The following ADAMTS2 variants were observed in gnomAD, a reference collection of about 807,000 sequenced individuals.
The protein encoded by ADAMTS2 is A disintegrin and metalloproteinase with thrombospondin motifs 2.
A neutral mutation model predicts 123.0 loss-of-function variants in ADAMTS2; 50 were observed. The observed-to-expected ratio is 0.41, with a 90% CI of 0.32 to 0.51. ADAMTS2 has a LOEUF of 0.51. ADAMTS2 is among the 20% of genes least tolerant of loss of function. The pLI, the probability that ADAMTS2 is intolerant of heterozygous loss-of-function variation, is 0.35. For missense variants in ADAMTS2, 1,494 were observed against 1,705.2 expected, an observed-to-expected ratio of 0.88 and a Z score of 2.18; for synonymous variants, 678 against 695.4, an observed-to-expected ratio of 0.98 and a Z score of 0.39.
In ADAMTS2 at chr5:179,128,507, C is replaced by T. The variant is rs1762900631; in HGVS notation, c.2458-389G>A. On this transcript the variant is annotated intron_variant, in intron 16 of 21. Coordinates refer to ENST00000251582, the MANE Select transcript of ADAMTS2 (RefSeq NM_014244.5). This position sits in a 1 kb window ranked among gnomAD's most constrained non-coding sequence, Gnocchi z 4.9. ...TCCCAGGTTCAAGCGATTCTCCTGCCTCAGCCTCCTGAGTAGCTGGGATTA... is the reference window on the plus strand; with the variant it reads ...TCCCAGGTTCAAGCGATTCTCCTGCTTCAGCCTCCTGAGTAGCTGGGATTA... 6.6e-6 allele frequency among the ~76,000 whole-genome samples: 1 copy of T among 152,158 alleles called. No homozygotes were observed.
intron 3 of ADAMTS2, among the ~76,000 whole-genome samples, chr5:179,247,540 A>G (rs1765829217): frequency 6.6e-6 from 1 of 152,226 alleles, no homozygotes; most frequent in Non-Finnish European, 1.5e-5. Context: ...CAATGACTCC[A>G]AGTTTGAAAA....
At position 179,332,624 on chromosome 5, in the gene ADAMTS2, G is replaced by T. The variant is rs946097533; in HGVS notation, c.534+11143C>A. ...TGACCCAACCTGCATTGCCCCAGAA[G>T]CCCAGACCTCAGCTCAGGGCCAGTG... On this transcript the variant is annotated intron_variant, in intron 2 of 21. Transcript: ENST00000251582. This position sits in a 1 kb window ranked among gnomAD's most constrained non-coding sequence, Gnocchi z 4.2. Among the ~76,000 whole-genome samples the T allele has an allele frequency of 7.6e-5, 11 of 144,666 alleles. No homozygotes were observed. Among genetic ancestry groups the T allele is most frequent in the African/African-American group, 2.5e-4 (10 of 40,118 alleles). 94.9% of individuals were successfully genotyped at this position (144,666 alleles called of 152,430 possible). A position where few individuals can be genotyped will look rare whatever the true frequency, so the allele number is the denominator to read the frequency against.
chr5:179,152,351 A>G, intron 9 of ADAMTS2, 96 bp from the exon 10 acceptor site: 1 of 1,181,498 alleles, frequency 8.5e-7, no homozygotes, highest in Non-Finnish European at 1.2e-6. Flanking sequence ...GAGATGCCCC[A>G]GTGGGACTGG....
intron 2 of ADAMTS2, among the ~76,000 whole-genome samples, chr5:179,330,864 C>A (rs968217081): frequency 3.3e-5 from 5 of 152,214 alleles, no homozygotes; most frequent in Non-Finnish European, 7.3e-5. Flanking sequence ...TCAGCCTTGA[C>A]CTTGTTTGCT....
At chr5:179,198,476 C>G (rs563607649) in intron 4 of ADAMTS2, among the ~76,000 whole-genome samples, 1 of 152,198 alleles carries the variant, frequency 6.6e-6, no homozygotes, top group Non-Finnish European at 1.5e-5. Flanking sequence ...GCCGCTGAGC[C>G]TCAGGAGACC....
At position 179,125,046 on chromosome 5, in the gene ADAMTS2, G is replaced by A. The variant is rs768445765; in HGVS notation, c.2885C>T (p.Ala962Val). The change falls in exon 19 of 22, where the codon GCC (alanine) becomes GTC (valine). Residue 962 changes from alanine (A) to valine (V), a missense_variant. Ala to Val is a moderately conservative substitution (Grantham distance 64). This residue lies in a region of ADAMTS2 where 953 missense variants were observed against 1,124.7 expected (regional missense o/e 0.85). Transcript: ENST00000251582. ...RSVHAKHCND[A>V]RPESRRACSR... ...GCAGGCCCGGCGGCTCTCGGGCCGG[G>A]CGTCATTGCAGTGCTTGGCGTGCAC... 3.1e-6 allele frequency: 5 copies of A among 1,608,632 alleles called. No homozygotes were observed. Among genetic ancestry groups the A allele is most frequent in the Non-Finnish European group, 3.4e-6 (4 of 1,178,866 alleles).
rs1161820680 is a variant in ADAMTS2, at chr5:179,307,365, C to A, written c.535-34301G>T. Among the ~76,000 whole-genome samples, 1 of 152,182 alleles carries A rather than the reference C, an allele frequency of 6.6e-6. No homozygotes were observed. Among genetic ancestry groups the A allele is most frequent in the Non-Finnish European group, 1.5e-5 (1 of 68,028 alleles). ...CCAACCCTGGGTGGCCACTGCTCAG[C>A]ACTCCAGGACAGCTCCATGACACAG... On this transcript the variant is annotated intron_variant, in intron 2 of 21. Transcript: ENST00000251582. The surrounding 1 kb of genome is among the most constrained non-coding windows in gnomAD (Gnocchi z 5.6).
rs1762576875 is a variant in ADAMTS2 at position 179,112,122 on chromosome 5, A to C, written c.*1745T>G. 1.3e-5 allele frequency: 2 copies of C among 152,274 alleles called. No homozygotes were observed. The highest frequency in any genetic ancestry group is 4.8e-5 in the African/African-American group (2 of 41,474). 9.4% of individuals were successfully genotyped at this position (152,274 alleles called of 1,614,324 possible). A position where few individuals can be genotyped will look rare whatever the true frequency, so the allele number is the denominator to read the frequency against. On this transcript the variant is annotated 3_prime_UTR_variant, in exon 22 of 22. Coordinates refer to ENST00000251582, the MANE Select transcript of ADAMTS2 (RefSeq NM_014244.5). ...CAGAGCCACCCACATGTGCAGCCTC[A>C]GACAAACATACTTATTAGCACCTCA...
At chr5:179,302,199 T>A (rs192967380) in intron 2 of ADAMTS2, among the ~76,000 whole-genome samples, 6 of 151,848 alleles carry the variant, frequency 4.0e-5, no homozygotes, top group Non-Finnish European at 8.8e-5. Flanking sequence ...CGGTGGCTCA[T>A]GCCTGTAATC....
At chr5:179,163,781 G>A (rs888256114) in intron 5 of ADAMTS2, among the ~76,000 whole-genome samples, 2 of 152,174 alleles carry the variant, frequency 1.3e-5, no homozygotes, top group Admixed American at 6.5e-5. Context: ...CTTTGTTCTC[G>A]GCCCAGTCCA....
At chr5:179,168,769 C>T (rs189660534) in intron 5 of ADAMTS2, among the ~76,000 whole-genome samples, 5 of 152,264 alleles carry the variant, frequency 3.3e-5, no homozygotes, top group Admixed American at 6.5e-5. Flanking sequence ...CATGTTCTAC[C>T]GTGCCCCCCA....
rs536751038 is a variant in ADAMTS2 at position 179,242,383 on chromosome 5, C to T, written c.688+30528G>A. 6.6e-6 allele frequency among the ~76,000 whole-genome samples: 1 copy of T among 152,240 alleles called. No homozygotes were observed. Among genetic ancestry groups the T allele is most frequent in the African/African-American group, 2.4e-5 (1 of 41,520 alleles). ...CCAGTGTCTTCTACCTTCCTTATTG[C>T]TGTGGCCCTTTAAAAAAAGATTAGG... On this transcript the variant is annotated intron_variant, in intron 3 of 21. Transcript: ENST00000251582. The surrounding 1 kb of genome is among the most constrained non-coding windows in gnomAD (Gnocchi z 4.2).
At chr5:179,171,992 C>T (rs530438946) in intron 5 of ADAMTS2, among the ~76,000 whole-genome samples, 33 of 152,106 alleles carry the variant, frequency 2.2e-4, no homozygotes, top group Non-Finnish European at 3.8e-4. Context: ...ACTGAGCCCT[C>T]GGGGCCGGGG....
At chr5:179,310,346 C>T (rs1023356048) in intron 2 of ADAMTS2, among the ~76,000 whole-genome samples, 2 of 152,198 alleles carry the variant, frequency 1.3e-5, no homozygotes, top group African/African-American at 4.8e-5. Context: ...GGGGGCTCAG[C>T]CCCCCAGCTC....
chr5:179,344,168 C>A lies in ADAMTS2; in HGVS notation c.140-7G>T, dbSNP rs759954552. On this transcript the variant is annotated splice_polypyrimidine_tract_variant and splice_region_variant and intron_variant, in intron 1 of 21. Transcript: ENST00000251582. Reference sequence around the variant, plus strand: ...CCGTGCCCCAGGGGCCCGCCTGCAACGGGAAGGGGCGTTAGATCGGCGGAG... The same window carrying A: ...CCGTGCCCCAGGGGCCCGCCTGCAAAGGGAAGGGGCGTTAGATCGGCGGAG... 4.4e-6 allele frequency: 7 copies of A among 1,591,934 alleles called. No individual in the cohort carries two copies. In the South Asian group the frequency reaches 6.8e-5, roughly 15 times the overall value.
rs1361263569 is a variant in ADAMTS2, at chr5:179,152,401, T to C, written c.1516-146A>G. 7.4e-6 allele frequency: 6 copies of C among 811,558 alleles called. No homozygotes were observed. In the East Asian group the frequency reaches 1.4e-4, roughly 18 times the overall value. The allele number at this position is 811,558 out of a possible 1,614,324, so 50.3% of individuals were successfully genotyped here. On this transcript the variant is annotated intron_variant, in intron 9 of 21. Coordinates refer to ENST00000251582, the MANE Select transcript of ADAMTS2 (RefSeq NM_014244.5). ...GTGAGGCTGGTGGGTGTTGTGATTC[T>C]GGGGTGGTGAAGACCTTGCCCATAC...
chr5:179,213,566 GGA>G (rs1214659848), intron 3 of ADAMTS2, among the ~76,000 whole-genome samples: 1 of 152,152 alleles, frequency 6.6e-6, no homozygotes, highest in Non-Finnish European at 1.5e-5. Context: ...TGGGATAGAA[GGA>G]GAGGCAGGTG....
In ADAMTS2 at chr5:179,329,110, G is replaced by A. The variant is rs551161377; in HGVS notation, c.534+14657C>T. 2.7e-3 allele frequency among the ~76,000 whole-genome samples: 414 copies of A among 152,188 alleles called. 1 individual carries two copies. Among genetic ancestry groups the A allele is most frequent in the Middle Eastern group, 6.8e-3 (2 of 294 alleles). On this transcript the variant is annotated intron_variant, in intron 2 of 21. Coordinates refer to ENST00000251582, the MANE Select transcript of ADAMTS2 (RefSeq NM_014244.5). ...TGGGAGGCCAAGGAGGGCGGATCAC[G>A]AGGTCAGGAGATGGAGACCATCCTG...
At chr5:179,339,181 G>A (rs756501290) in intron 2 of ADAMTS2, among the ~76,000 whole-genome samples, 20 of 152,296 alleles carry the variant, frequency 1.3e-4, no homozygotes, top group Non-Finnish European at 2.5e-4. Context: ...TCCCAAAGGT[G>A]GGCAGGAGAC....
Sources: gnomAD v4.1 joint callset for allele counts (sites outside exome capture counted in the v4.1 genomes callset) on GRCh38, gnomAD v4.1.1 for gene constraint, gnomAD v4.1.1 regional missense constraint, Gnocchi (gnomAD v3.1) non-coding constraint, MANE v1.5 for transcripts, NCBI Gene and HGNC (gene_info 2026-07-23, HGNC 2026-07-21) for gene names.